Variants in IQCJ observed in about 807,000 individuals in gnomAD.
IQCJ encodes IQ motif containing J, also known as IQ domain-containing protein J.
A neutral mutation model predicts 11.0 loss-of-function variants in IQCJ; 9 were observed. The ratio of observed to expected loss-of-function variants is 0.82; its 90% confidence interval spans 0.49 to 1.43. The LOEUF (loss-of-function observed/expected upper bound fraction) is 1.43. IQCJ is among the 40% of genes most tolerant of loss of function. The pLI, the probability that IQCJ is intolerant of heterozygous loss-of-function variation, is 0.00. For missense variants in IQCJ, 146 were observed against 133.2 expected, an observed-to-expected ratio of 1.10 and a Z score of -0.47; for synonymous variants, 55 against 51.3, an observed-to-expected ratio of 1.07 and a Z score of -0.31.
intron 1 of IQCJ, among the ~76,000 whole-genome samples, chr3:159,148,953 G>A (rs1244912620): frequency 6.6e-6 from 1 of 152,164 alleles, no homozygotes; most frequent in Non-Finnish European, 1.5e-5. Context: ...TCAACAGTAT[G>A]ATCTGGGTCA....
At chr3:159,088,335 C>G (rs1038014260) in intron 1 of IQCJ, among the ~76,000 whole-genome samples, 13 of 151,958 alleles carry the variant, frequency 8.6e-5, no homozygotes, top group Non-Finnish European at 1.9e-4. Flanking sequence ...AGCTTTACTT[C>G]CAAGTATGTG....
intron 1 of IQCJ, among the ~76,000 whole-genome samples, chr3:159,094,686 A>C (rs557966728): frequency 1.1e-4 from 17 of 151,870 alleles, no homozygotes; most frequent in Non-Finnish European, 1.5e-4. Flanking sequence ...AATCCTTAGA[A>C]CAGAAAAATG....
At chr3:159,150,583 A>AACACAC (rs373030886) in intron 1 of IQCJ, among the ~76,000 whole-genome samples, 6,970 of 146,092 alleles carry the variant, frequency 0.048, 178 homozygotes, top group African/African-American at 0.056. Flanking sequence ...CATTGTCCCC[A>AACACAC]ACACACACAC....
chr3:159,249,287 T>G (rs374246706), intron 2 of IQCJ, among the ~76,000 whole-genome samples: 2 of 152,330 alleles, frequency 1.3e-5, no homozygotes, highest in East Asian at 1.9e-4. Flanking sequence ...TATTTGAAAA[T>G]TAATGGTATA....
intron 1 of IQCJ, among the ~76,000 whole-genome samples, chr3:159,151,134 G>A (rs972332882): frequency 2.0e-5 from 3 of 152,140 alleles, no homozygotes; most frequent in Non-Finnish European, 2.9e-5. Context: ...CCCAGAGCCC[G>A]GCTCTTTGGA....
intron 3 of IQCJ, among the ~76,000 whole-genome samples, chr3:159,258,252 G>A (rs1014573848): frequency 5.3e-5 from 8 of 152,148 alleles, no homozygotes; most frequent in East Asian, 1.9e-4. Context: ...ATGAAAAAGA[G>A]GGCCTTTTTC....
intron 3 of IQCJ, among the ~76,000 whole-genome samples, chr3:159,256,739 ATATTTTTATG>A: frequency 6.6e-6 from 1 of 152,338 alleles, no homozygotes; most frequent in East Asian, 1.9e-4. Context: ...TTTTTCAAAC[ATATTTTTATG>A]TCCACTTGGG....
At chr3:159,139,592 T>C (rs1720485712) in intron 1 of IQCJ, among the ~76,000 whole-genome samples, 1 of 152,204 alleles carries the variant, frequency 6.6e-6, no homozygotes, top group Admixed American at 6.5e-5. Context: ...CCAGAGGTGG[T>C]AACAAGTTGC....
At position 159,153,928 on chromosome 3, in the gene IQCJ, C is replaced by T. The variant is rs538766545; in HGVS notation, c.9+84487C>T. ...ACAGAAGACTGGTTCCATGGTATAA[C>T]TCTTGGAAGCTTAGTCTGAGCCTGC... On this transcript the variant is annotated intron_variant, in intron 1 of 3. Transcript: ENST00000397832. Among the ~76,000 whole-genome samples, 11 of 152,306 alleles carry T rather than the reference C, an allele frequency of 7.2e-5. No individual in the cohort carries two copies. In the East Asian group the frequency reaches 1.9e-3, roughly 27 times the overall value.
At chr3:159,091,674 G>GCGCGCGCACACACACA (rs1309106648) in intron 1 of IQCJ, among the ~76,000 whole-genome samples, 1 of 81,270 alleles carries the variant, frequency 1.2e-5, no homozygotes, top group African/African-American at 8.3e-5. Flanking sequence ...ACACACGCAT[G>GCGCGCGCACACACACA]CACACACACA....
intron 1 of IQCJ, among the ~76,000 whole-genome samples, chr3:159,132,021 C>G (rs891261665): frequency 1.3e-5 from 2 of 152,124 alleles, no homozygotes; most frequent in African/African-American, 4.8e-5. Context: ...ATGAATTTGC[C>G]TCTGTCAGCC....
At chr3:159,075,336 CA>C (rs1485600114) in intron 1 of IQCJ, among the ~76,000 whole-genome samples, 2 of 151,896 alleles carry the variant, frequency 1.3e-5, no homozygotes, top group Non-Finnish European at 2.9e-5. Context: ...CCATGGTGTA[CA>C]AAAAAAATTT....
At chr3:159,194,098 C>T (rs1157286145) in intron 1 of IQCJ, among the ~76,000 whole-genome samples, 11 of 152,236 alleles carry the variant, frequency 7.2e-5, no homozygotes, top group Non-Finnish European at 1.0e-4. Flanking sequence ...AATTACCATA[C>T]ACACTTGCTG....
intron 1 of IQCJ, among the ~76,000 whole-genome samples, chr3:159,184,836 T>C (rs958470625): frequency 2.6e-5 from 4 of 152,126 alleles, no homozygotes; most frequent in African/African-American, 9.7e-5. Flanking sequence ...TAAAGTGTAG[T>C]ACAGGTTTAC....
intron 1 of IQCJ, among the ~76,000 whole-genome samples, chr3:159,182,609 C>T (rs982176165): frequency 2.0e-5 from 3 of 151,770 alleles, no homozygotes; most frequent in African/African-American, 4.9e-5. Flanking sequence ...AGGGGGTGCA[C>T]GTGAGAGGGT....
intron 1 of IQCJ, among the ~76,000 whole-genome samples, chr3:159,174,456 T>C (rs930653756): frequency 7.2e-5 from 11 of 152,144 alleles, no homozygotes; most frequent in African/African-American, 2.7e-4. Flanking sequence ...TATTCATCTT[T>C]CCATCACTAA....
At chr3:159,201,192 T>A (rs1041054668) in intron 1 of IQCJ, among the ~76,000 whole-genome samples, 1 of 152,208 alleles carries the variant, frequency 6.6e-6, no homozygotes, top group African/African-American at 2.4e-5. Flanking sequence ...AGTAATAGGC[T>A]GATTACATTT....
At chr3:159,243,050 A>G (rs1727032625) in intron 1 of IQCJ, among the ~76,000 whole-genome samples, 1 of 152,222 alleles carries the variant, frequency 6.6e-6, no homozygotes, top group Non-Finnish European at 1.5e-5. Flanking sequence ...ACAATAAGAT[A>G]TCACAAATCC....
intron 1 of IQCJ, among the ~76,000 whole-genome samples, chr3:159,172,801 T>C (rs1212106286): frequency 2.6e-5 from 4 of 151,874 alleles, no homozygotes; most frequent in Non-Finnish European, 5.9e-5. Context: ...GATGTTGATT[T>C]TTTGGTTTTA....
Sources: allele counts gnomAD v4.1 joint callset (sites outside exome capture counted in the v4.1 genomes callset), GRCh38; gene constraint gnomAD v4.1.1; transcripts MANE v1.5; gene names NCBI Gene and HGNC (gene_info 2026-07-23, HGNC 2026-07-21).